Variants in COL11A1 observed in about 807,000 individuals in gnomAD.
The protein encoded by COL11A1 is collagen type XI alpha 1 chain.
A neutral mutation model predicts 265.2 loss-of-function variants in COL11A1; 74 were observed. The ratio of observed to expected loss-of-function variants is 0.28; its 90% CI spans 0.23 to 0.34. The LOEUF is 0.34. Ranked by LOEUF, COL11A1 falls within the 10% of genes least tolerant of loss-of-function variation. The probability of loss-of-function intolerance (pLI) is 1.00; values close to 1 mark genes in which losing one functional copy is unlikely to be tolerated. For missense variants in COL11A1, 2,165 were observed against 2,263.6 expected (o/e 0.96, Z 0.88); for synonymous variants, 816 against 727.6 (o/e 1.12, Z -1.96).
intron 63 of COL11A1, among the ~76,000 whole-genome samples, chr1:102,886,349 G>A (rs1650974527): frequency 6.6e-6 from 1 of 152,080 alleles, no homozygotes; most frequent in Non-Finnish European, 1.5e-5. Context: ...TTAATATTCT[G>A]TTCACCAAAT....
intron 1 of COL11A1, among the ~76,000 whole-genome samples, chr1:103,105,287 T>C (rs1674606030): frequency 6.6e-6 from 1 of 152,060 alleles, no homozygotes; most frequent in Admixed American, 6.5e-5. Context: ...AATAAACATA[T>C]ATATGAAACA....
chr1:102,914,594 T>G, intron 51 of COL11A1, 110 bp downstream of exon 51: 2 of 994,768 alleles, frequency 2.0e-6, no homozygotes, highest in South Asian at 2.8e-5. Flanking sequence ...TGATGAAAAG[T>G]CAGATTTACC....
At chr1:102,979,156 G>T in intron 32 of COL11A1, 52 bp from the exon 33 acceptor site, 1 of 1,528,264 alleles carries the variant, frequency 6.5e-7, no homozygotes, top group Non-Finnish European at 9.1e-7. Context: ...TAAATTATGA[G>T]CCTGGTGCTG....
chr1:103,005,095 T>A (rs1221474142), intron 18 of COL11A1, among the ~76,000 whole-genome samples: 1 of 152,100 alleles, frequency 6.6e-6, no homozygotes, highest in African/African-American at 2.4e-5. Context: ...AAATCTGGTA[T>A]TTTTTAAATG....
In COL11A1 at chr1:102,979,493, G is replaced by T. The variant is rs995132990; in HGVS notation, c.2557-58C>A. 1.4e-5 allele frequency: 16 copies of T among 1,151,992 alleles called. No homozygotes were observed. The African/African-American group carries it at 2.1e-4, about 15-fold the overall frequency. 71.4% of individuals were successfully genotyped at this position (1,151,992 alleles called of 1,614,324 possible). On this transcript the variant is annotated intron_variant, in intron 31 of 66. Transcript: ENST00000370096. ...TGGCAATTAACATTTTCAGTCACAA[G>T]ATGTAATTTATTTTGGAACAGAGTG...
At chr1:102,895,601 T>A (rs971686451) in intron 57 of COL11A1, among the ~76,000 whole-genome samples, 3 of 152,026 alleles carry the variant, frequency 2.0e-5, no homozygotes, top group Non-Finnish European at 2.9e-5. Flanking sequence ...AGTATTATTA[T>A]TATAGCTTTC....
intron 57 of COL11A1, among the ~76,000 whole-genome samples, chr1:102,892,912 C>T (rs980005387): frequency 6.6e-6 from 1 of 151,988 alleles, no homozygotes; most frequent in South Asian, 2.1e-4. Context: ...AATTACTAAT[C>T]CTCAGAGTCA....
chr1:103,050,663 G>A (rs1669738685), intron 4 of COL11A1, among the ~76,000 whole-genome samples: 1 of 152,146 alleles, frequency 6.6e-6, no homozygotes. Context: ...TTCCTTTGGA[G>A]GAGGAGAGGT....
chr1:103,107,992 G>T, intron 1 of COL11A1, 81 bp downstream of exon 1: 1 of 952,386 alleles, frequency 1.0e-6, no homozygotes, highest in Non-Finnish European at 1.7e-6. Context: ...GAGCGGGGAG[G>T]AAGGGTAAAG....
rs751341336 is a variant in COL11A1, at chr1:102,974,879, G to C, written c.2759C>G (p.Pro920Arg). 5 of 1,613,132 alleles carry C rather than the reference G, an allele frequency of 3.1e-6. No homozygotes were observed. The highest frequency in any genetic ancestry group is 4.2e-6 in the Non-Finnish European group (5 of 1,179,234). ...TCCAACTGGACCCTGAGGTCCTTGA[G>C]GACCCTGGAAATAAAAAGCAGTGGG... ...GPPGPPGERGPQGPQGPVGFP... is the reference protein window; with the variant it reads ...GPPGPPGERGRQGPQGPVGFP... The change falls in exon 36 of 67, where the codon CCT becomes CGT. Residue 920 changes from proline (P) to arginine (R), a missense_variant. Transcript: ENST00000370096.
Position 103,108,149 on chromosome 1 carries a change from C to T in COL11A1, c.30G>A (p.Thr10=). Residue 10 remains threonine (T), a synonymous_variant, in exon 1 of 67, where the codon ACG becomes ACA. Coordinates refer to ENST00000370096, the MANE Select transcript of COL11A1 (RefSeq NM_001854.4). The part of the protein sequence containing the change: MEPWSSRWK[T]KRWLWDFTVT... Reference sequence around the variant, plus strand: ...CGGTGAAATCCCAGAGCCACCGTTTCGTTTTCCACCTAGAGGACCACGGCT... The same window carrying T: ...CGGTGAAATCCCAGAGCCACCGTTTTGTTTTCCACCTAGAGGACCACGGCT... 4 of 1,613,828 alleles carry T rather than the reference C, an allele frequency of 2.5e-6. No homozygotes were observed. Among genetic ancestry groups the T allele is most frequent in the Non-Finnish European group, 3.4e-6 (4 of 1,179,982 alleles).
At chr1:102,960,633 A>G (rs1162739292) in intron 41 of COL11A1, among the ~76,000 whole-genome samples, 1 of 152,034 alleles carries the variant, frequency 6.6e-6, no homozygotes, top group Non-Finnish European at 1.5e-5. Flanking sequence ...TCCTGGAGAA[A>G]GGGGAAAGGT....
At chr1:103,054,311 C>T (rs1670055170) in intron 4 of COL11A1, among the ~76,000 whole-genome samples, 1 of 152,116 alleles carries the variant, frequency 6.6e-6, no homozygotes, top group Non-Finnish European at 1.5e-5. Flanking sequence ...GATCTACAGA[C>T]AAGAATTAAA....
In COL11A1 at chr1:102,934,438, G is replaced by A. The variant is rs747741844; in HGVS notation, c.3600+11C>T. The A allele has an allele frequency of 8.3e-6, 13 of 1,562,716 alleles. No homozygotes were observed. In the Admixed American group the frequency reaches 1.0e-4, roughly 12 times the overall value. ...GAAATGATGGAGTAAACAATGACAGGATCATCTTACCTGAAGACCTATTGG... is the reference window on the plus strand; with the variant it reads ...GAAATGATGGAGTAAACAATGACAGAATCATCTTACCTGAAGACCTATTGG... On this transcript the variant is annotated intron_variant, in intron 46 of 66. Coordinates refer to ENST00000370096, the MANE Select transcript of COL11A1 (RefSeq NM_001854.4).
intron 12 of COL11A1, 148 bp downstream of exon 12, chr1:103,015,520 C>A: frequency 3.5e-6 from 2 of 563,950 alleles, no homozygotes; most frequent in Non-Finnish European, 3.0e-6. Context: ...TAAAATTTCC[C>A]TGAATTTCCA....
intron 54 of COL11A1, among the ~76,000 whole-genome samples, chr1:102,899,974 T>G (rs992292034): frequency 6.6e-6 from 1 of 152,120 alleles, no homozygotes; most frequent in African/African-American, 2.4e-5. Flanking sequence ...GCTTCAGTGA[T>G]GGATGCACTG....
chr1:103,036,320 TCGTATA>T (rs1325139123), intron 4 of COL11A1, among the ~76,000 whole-genome samples: 1 of 30,006 alleles, frequency 3.3e-5, no homozygotes, highest in Non-Finnish European at 8.1e-5. Flanking sequence ...AAAGTTGCTA[TCGTATA>T]TATATATATA....
intron 49 of COL11A1, among the ~76,000 whole-genome samples, chr1:102,919,245 A>T (rs1655694427): frequency 2.0e-5 from 3 of 152,072 alleles, no homozygotes; most frequent in Admixed American, 2.0e-4. Flanking sequence ...ATGCAGTAAG[A>T]TTTATCTAAT....
chr1:102,935,623 A>G (rs1463484517), intron 44 of COL11A1, among the ~76,000 whole-genome samples: 3 of 152,136 alleles, frequency 2.0e-5, no homozygotes, highest in Non-Finnish European at 4.4e-5. Flanking sequence ...GTACACCAGG[A>G]CCTCTTATTT....
Sources: gnomAD v4.1 joint callset for allele counts (sites outside exome capture counted in the v4.1 genomes callset) on GRCh38, gnomAD v4.1.1 for gene constraint, MANE v1.5 for transcripts, NCBI Gene and HGNC (gene_info 2026-07-23, HGNC 2026-07-21) for gene names.